ZNF568: variants seen among roughly 807,000 people sequenced by gnomAD.
The protein encoded by ZNF568 is zinc finger protein 568, also known as p53 inhibitor of SCO2 activation.
In ZNF568, 11 loss-of-function variants were observed where a neutral mutation model predicts 18.1. That is an observed-to-expected ratio of 0.61 (90% CI 0.38 to 1.00). The LOEUF is 1.00. ZNF568 is among the 50% of genes least tolerant of loss of function. The pLI is 0.01. For synonymous variants in ZNF568, 213 were observed against 246.6 expected, an observed-to-expected ratio of 0.86 and a Z score of 1.28; for missense variants, 639 against 768.2, an observed-to-expected ratio of 0.83 and a Z score of 1.99.
At chr19:36,991,822 A>G in exon 4 of ZNF568, 1 of 1,576,294 alleles carries the variant, frequency 6.3e-7, no homozygotes, top group East Asian at 2.3e-5. Context: ...GGTTAAGAGG[A>G]AGGAGACAAA....
chr19:36,953,888 G>A (rs970655512), downstream of ZNF568, among the ~76,000 whole-genome samples: 4 of 151,828 alleles, frequency 2.6e-5, no homozygotes, highest in South Asian at 2.1e-4. Flanking sequence ...TCCAGTCTGC[G>A]TGACAGAGTA....
downstream of ZNF568, among the ~76,000 whole-genome samples, chr19:36,980,740 C>T (rs1045670005): frequency 5.9e-5 from 9 of 152,206 alleles, no homozygotes; most frequent in Non-Finnish European, 1.3e-4. Context: ...CTCACTCAAG[C>T]TTCAGTGCCC....
chr19:36,997,712 G>A, downstream of ZNF568: 1 of 818,450 alleles, frequency 1.2e-6, no homozygotes, highest in Non-Finnish European at 1.9e-6. Flanking sequence ...GGACAGAGGA[G>A]TGAATGAAGA....
intron 6 of ZNF568, among the ~76,000 whole-genome samples, chr19:36,968,154 C>T (rs1158431113): frequency 6.6e-6 from 1 of 152,032 alleles, no homozygotes; most frequent in African/African-American, 2.4e-5. Context: ...AATATCCATA[C>T]ATGGTAGAAA....
At chr19:36,933,442 T>TA (rs2073723025) in intron 4 of ZNF568, among the ~76,000 whole-genome samples, 1 of 150,100 alleles carries the variant, frequency 6.7e-6, no homozygotes, top group African/African-American at 2.5e-5. Context: ...TTTTCAATGA[T>TA]AAAAGGGTGT....
At chr19:36,927,903 ATTTTTTT>A (rs71177414) in intron 4 of ZNF568, among the ~76,000 whole-genome samples, 6 of 26,620 alleles carry the variant, frequency 2.3e-4, no homozygotes, top group African/African-American at 7.6e-4. Flanking sequence ...ATATATATAT[ATTTTTTT>A]TTTTTTTTTT....
At chr19:36,959,661 T>C (rs2074133354) in intron 6 of ZNF568, among the ~76,000 whole-genome samples, 1 of 152,206 alleles carries the variant, frequency 6.6e-6, no homozygotes, top group Admixed American at 6.5e-5. Context: ...TGGGACACTT[T>C]TTATTACTGA....
At chr19:36,919,370 G>C in intron 2 of ZNF568, among the ~76,000 whole-genome samples, 1 of 152,140 alleles carries the variant, frequency 6.6e-6, no homozygotes, top group Admixed American at 6.5e-5. Context: ...CAGTGGTCCT[G>C]TAAGACAGTG....
chr19:36,917,572 G>A lies in ZNF568; in HGVS notation c.-255-7G>A, dbSNP rs2073366171. ...TTTTCTAACCCCCTTGTGTCTTTATGTTTCAGATCTGTGTCTTGTAAAGAG... is the reference window on the plus strand; with the variant it reads ...TTTTCTAACCCCCTTGTGTCTTTATATTTCAGATCTGTGTCTTGTAAAGAG... On this transcript the variant is annotated splice_region_variant and splice_polypyrimidine_tract_variant and intron_variant, in intron 1 of 6. Coordinates refer to ENST00000333987, the MANE Select transcript of ZNF568 (RefSeq NM_198539.4). 6.6e-6 allele frequency: 1 copy of A among 152,054 alleles called. No individual in the cohort carries two copies. Among genetic ancestry groups the A allele is most frequent in the Admixed American group, 6.6e-5 (1 of 15,262 alleles). 9.4% of individuals were successfully genotyped at this position (152,054 alleles called of 1,614,324 possible). A position where few individuals can be genotyped will look rare whatever the true frequency, so the allele number is the denominator to read the frequency against.
At chr19:36,974,577 GA>G in intron 7 of ZNF568, 1 of 1,158,670 alleles carries the variant, frequency 8.6e-7, no homozygotes, top group Non-Finnish European at 1.2e-6. Context: ...CAAAGGGGAA[GA>G]GGGGAGGAAA....
intron 6 of ZNF568, among the ~76,000 whole-genome samples, chr19:36,939,939 G>C (rs1363336351): frequency 6.6e-6 from 1 of 152,150 alleles, no homozygotes; most frequent in African/African-American, 2.4e-5. Context: ...AGTCCTCTAT[G>C]CTGTATTTGA....
chr19:36,919,542 C>G (rs1481446274), intron 2 of ZNF568, among the ~76,000 whole-genome samples: 1 of 152,066 alleles, frequency 6.6e-6, no homozygotes, highest in Non-Finnish European at 1.5e-5. Context: ...CTCGCATGCA[C>G]AGTTCAGAAG....
At chr19:36,939,703 C>T (rs1024885178) in intron 6 of ZNF568, among the ~76,000 whole-genome samples, 2 of 151,932 alleles carry the variant, frequency 1.3e-5, no homozygotes, top group East Asian at 1.9e-4. Flanking sequence ...CCATGCCTGG[C>T]TAATTTTTGT....
At chr19:36,973,911 A>G (rs1177920550) in intron 6 of ZNF568, among the ~76,000 whole-genome samples, 1 of 152,122 alleles carries the variant, frequency 6.6e-6, no homozygotes, top group African/African-American at 2.4e-5. Flanking sequence ...ACTAGTCAGT[A>G]GGTAGTGAAT....
At chr19:36,945,309 C>T (rs984635446) in intron 6 of ZNF568, among the ~76,000 whole-genome samples, 2 of 150,848 alleles carry the variant, frequency 1.3e-5, no homozygotes, top group African/African-American at 4.9e-5. Flanking sequence ...TTAAACTGCA[C>T]GAGTCCACTT....
At chr19:36,918,919 C>T in intron 2 of ZNF568, among the ~76,000 whole-genome samples, 1 of 152,148 alleles carries the variant, frequency 6.6e-6, no homozygotes, top group Non-Finnish European at 1.5e-5. Context: ...TTTAACTTAG[C>T]ATAACGTCCT....
At chr19:36,926,918 C>T (rs1008020111) in intron 4 of ZNF568, among the ~76,000 whole-genome samples, 9 of 152,234 alleles carry the variant, frequency 5.9e-5, no homozygotes, top group African/African-American at 2.2e-4. Flanking sequence ...GACTCTAGGG[C>T]CCACACTCTA....
At chr19:36,980,957 G>A (rs1379611895), downstream of ZNF568, among the ~76,000 whole-genome samples, 7 of 152,138 alleles carry the variant, frequency 4.6e-5, no homozygotes, top group Non-Finnish European at 1.0e-4. Flanking sequence ...ACTAACAGAC[G>A]TGGTCTTAGG....
rs1447393883 is a variant in ZNF568 at position 36,951,465 on chromosome 19, A to G, written c.*377A>G. ...ATTTAAAAATGTGTGATATTAGTAC[A>G]TTAGTAGGTAAATGAGCAGATTTTA... On this transcript the variant is annotated 3_prime_UTR_variant, in exon 7 of 7. Transcript: ENST00000333987. 1.3e-5 allele frequency: 2 copies of G among 156,516 alleles called. No individual in the cohort carries two copies. The highest frequency in any genetic ancestry group is 4.8e-5 in the African/African-American group (2 of 41,606). 9.7% of individuals were successfully genotyped at this position (156,516 alleles called of 1,614,324 possible). A position where few individuals can be genotyped will look rare whatever the true frequency, so the allele number is the denominator to read the frequency against.
Sources: allele counts gnomAD v4.1 joint callset (sites outside exome capture counted in the v4.1 genomes callset), GRCh38; gene constraint gnomAD v4.1.1; transcripts MANE v1.5; gene names NCBI Gene and HGNC (gene_info 2026-07-23, HGNC 2026-07-21).